The following SRRM3 variants were observed in gnomAD, a reference collection of about 807,000 sequenced individuals.
SRRM3 encodes serine/arginine repetitive matrix protein 3.
SRRM3 carries 27 observed loss-of-function variants against 66.2 expected under a neutral mutation model. The observed-to-expected ratio is 0.41, with a 90% CI of 0.30 to 0.56. The LOEUF is 0.56. Among genes scored for constraint, SRRM3 ranks in the 20% least tolerant of loss-of-function variants. The pLI is 0.32. For missense variants in SRRM3, 918 were observed against 991.9 expected (o/e 0.93, Z 1.00); for synonymous variants, 391 against 414.9 (o/e 0.94, Z 0.70).
Position 76,281,783 on chromosome 7 carries a change from C to A in SRRM3, c.1351C>A (p.His451Asn), listed in dbSNP as rs1802518529. ...PGPEPGSERG[H>N]GGHGKRAKER... ...GCCCGAGCCCGGCTCTGAGCGAGGC[C>A]ACGGCGGACACGGGAAACGGTGAGC... The change falls in exon 12 of 15, where the codon CAC becomes AAC. Residue 451 changes from histidine to asparagine, a missense_variant. By Grantham distance (68) the His-to-Asn change is moderately conservative (BLOSUM62 1). Coordinates refer to ENST00000611745, the MANE Select transcript of SRRM3 (RefSeq NM_001110199.3). The A allele has an allele frequency of 7.2e-7, 1 of 1,386,020 alleles. No individual in the cohort carries two copies. The highest frequency in any genetic ancestry group is 1.4e-5 in the South Asian group (1 of 69,440). 85.9% of individuals were successfully genotyped at this position (1,386,020 alleles called of 1,614,324 possible).
At chr7:76,209,863 C>G (rs1800387069) in intron 1 of SRRM3, among the ~76,000 whole-genome samples, 1 of 152,162 alleles carries the variant, frequency 6.6e-6, no homozygotes, top group Non-Finnish European at 1.5e-5. Flanking sequence ...ATCTCGGGCT[C>G]TCAAAGTGCT....
chr7:76,249,064 GC>G (rs1801509417), intron 3 of SRRM3, among the ~76,000 whole-genome samples: 1 of 152,124 alleles, frequency 6.6e-6, no homozygotes, highest in Non-Finnish European at 1.5e-5. Context: ...AAATCCCACT[GC>G]TACCATGACC....
intron 2 of SRRM3, among the ~76,000 whole-genome samples, chr7:76,242,568 A>G (rs146519255): frequency 0.077 from 11,658 of 151,520 alleles, 1,085 homozygotes; most frequent in African/African-American, 0.22. Flanking sequence ...CATTGCATTT[A>G]TTGTGCACTT....
rs1802518118 is a variant in SRRM3 at position 76,281,762 on chromosome 7, G to A, written c.1330G>A (p.Glu444Lys). ...CCGCGGCGCCCCCGGCCCCGGGCCC[G>A]AGCCCGGCTCTGAGCGAGGCCACGG... ...SGRGAPGPGP[E>K]PGSERGHGGH... is the part of the protein sequence containing the mutation. The change falls in exon 12 of 15, where the codon GAG becomes AAG. Residue 444 changes from glutamate to lysine, a missense_variant. By Grantham distance (56) the Glu-to-Lys change is moderately conservative. Transcript: ENST00000611745. 4 of 1,374,688 alleles carry A rather than the reference G, an allele frequency of 2.9e-6. No homozygotes were observed. Among genetic ancestry groups the A allele is most frequent in the Non-Finnish European group, 2.8e-6 (3 of 1,062,302 alleles). The allele number at this position is 1,374,688 out of a possible 1,614,324, so 85.2% of individuals were successfully genotyped here.
chr7:76,251,484 C>T (rs1197976637), intron 3 of SRRM3, among the ~76,000 whole-genome samples: 4 of 152,034 alleles, frequency 2.6e-5, no homozygotes, highest in Admixed American at 2.6e-4. Flanking sequence ...ACGCCATTCT[C>T]CTGCCTCAGC....
At chr7:76,261,728 A>C in intron 8 of SRRM3, 147 bp downstream of exon 8, 1 of 888,772 alleles carries the variant, frequency 1.1e-6, no homozygotes, top group South Asian at 1.4e-5. Flanking sequence ...CTGCGGGGAC[A>C]GGGCAGTGGA....
chr7:76,267,428 C>A lies in SRRM3; in HGVS notation c.1001C>A (p.Pro334Gln). 2 of 1,363,610 alleles carry A rather than the reference C, an allele frequency of 1.5e-6. No homozygotes were observed. Among genetic ancestry groups the A allele is most frequent in the Non-Finnish European group, 1.9e-6 (2 of 1,063,528 alleles). The allele number at this position is 1,363,610 out of a possible 1,614,324, so 84.5% of individuals were successfully genotyped here. A position where few individuals can be genotyped will look rare whatever the true frequency, so the allele number is the denominator to read the frequency against. ...HGGRPGSAHS[P>Q]PDKPSSPSPR... is the part of the protein sequence containing the mutation. ...GGCCGCCCCGGCTCGGCGCACAGCC[C>A]GCCCGATGTACGTACGCTTCGCTTT... is the stretch of plus-strand genomic sequence containing the variant. The change falls in exon 11 of 15, where the codon CCG becomes CAG. Residue 334 changes from proline (P) to glutamine (Q), a missense_variant. By Grantham distance (76) the Pro-to-Gln change is moderately conservative. Coordinates refer to ENST00000611745, the MANE Select transcript of SRRM3 (RefSeq NM_001110199.3).
At chr7:76,271,189 C>T (rs529030885) in intron 11 of SRRM3, among the ~76,000 whole-genome samples, 1 of 150,648 alleles carries the variant, frequency 6.6e-6, no homozygotes, top group South Asian at 2.1e-4. Context: ...AGACCCCAGG[C>T]AGGGCGCAGT....
chr7:76,281,834 G>GGCCCC, intron 12 of SRRM3, 32 bp downstream of exon 12: 10 of 1,138,366 alleles, frequency 8.8e-6, no homozygotes, highest in African/African-American at 1.8e-5. Context: ...CTGGACTCCC[G>GGCCCC]CCCCCACCCC....
chr7:76,265,561 A>T, intron 10 of SRRM3, 93 bp downstream of exon 10: 1 of 996,290 alleles, frequency 1.0e-6, no homozygotes, highest in Non-Finnish European at 1.4e-6. Context: ...GCTGGTGGAC[A>T]GAATGTCAAT....
At chr7:76,260,451 G>A (rs1326714961) in intron 5 of SRRM3, among the ~76,000 whole-genome samples, 1 of 49,594 alleles carries the variant, frequency 2.0e-5, no homozygotes, top group African/African-American at 7.9e-5. Context: ...CGCCCCCCAA[G>A]GAGCCCCTCC....
intron 2 of SRRM3, among the ~76,000 whole-genome samples, chr7:76,243,578 C>A (rs79330877): frequency 0.079 from 12,012 of 152,174 alleles, 1,124 homozygotes; most frequent in African/African-American, 0.22. Context: ...GCAGGTCTCC[C>A]TGAAACCCAT....
At position 76,265,279 on chromosome 7, in the gene SRRM3, T is replaced by G; in HGVS notation, c.726-85T>G. 4 of 922,808 alleles carry G rather than the reference T, an allele frequency of 4.3e-6. No homozygotes were observed. In the South Asian group the frequency reaches 7.0e-5, roughly 16 times the overall value. The allele number at this position is 922,808 out of a possible 1,614,324, so 57.2% of individuals were successfully genotyped here. On this transcript the variant is annotated intron_variant, in intron 9 of 14. Transcript: ENST00000611745. ...TTTCAGTAGGGTTCCACTGGGATCC[T>G]GGTGGGAGGCTGGGCAACTTGGGGG...
intron 3 of SRRM3, 134 bp downstream of exon 3, chr7:76,248,423 G>A: frequency 3.1e-6 from 2 of 645,460 alleles, no homozygotes; most frequent in Non-Finnish European, 5.5e-6. Context: ...AGAAGATAAG[G>A]AGAAGGAGAG....
At chr7:76,233,348 A>G (rs1490533300) in intron 1 of SRRM3, among the ~76,000 whole-genome samples, 1 of 152,154 alleles carries the variant, frequency 6.6e-6, no homozygotes, top group Non-Finnish European at 1.5e-5. Context: ...GAGGGACCCA[A>G]CTTGATGACA....
Position 76,285,694 on chromosome 7 carries a change from C to T in SRRM3, c.1813C>T (p.Arg605Trp), listed in dbSNP as rs1040704308. 35 of 1,550,976 alleles carry T rather than the reference C, an allele frequency of 2.3e-5. No individual in the cohort carries two copies. Among genetic ancestry groups the T allele is most frequent in the African/African-American group, 1.1e-4 (8 of 73,040 alleles). Reference sequence around the variant, plus strand: ...CTGCTTGAGCAGCGACTACTCGACCCGGAGCCACAGCCGCAGCCCCAGCCC... The same window carrying T: ...CTGCTTGAGCAGCGACTACTCGACCTGGAGCCACAGCCGCAGCCCCAGCCC... ...SSCLSSDYST[R>W]SHSRSPSPGH... is the part of the protein sequence containing the mutation. Residue 605 changes from arginine (R) to tryptophan (W), a missense_variant, in exon 15 of 15, where the codon CGG becomes TGG. Arg to Trp is a moderately radical substitution (Grantham distance 101). Transcript: ENST00000611745. The surrounding 1 kb of genome is among the most constrained non-coding windows in gnomAD (Gnocchi z 4.1).
At chr7:76,248,061 C>A in intron 2 of SRRM3, 127 bp from the exon 3 acceptor site, 1 of 682,510 alleles carries the variant, frequency 1.5e-6, no homozygotes, top group South Asian at 1.7e-5. Context: ...TGACCTTGGA[C>A]AGGTTATTGC....
chr7:76,214,281 G>C (rs1025319216), intron 1 of SRRM3, among the ~76,000 whole-genome samples: 1 of 151,996 alleles, frequency 6.6e-6, no homozygotes, highest in South Asian at 2.1e-4. Flanking sequence ...TCCCACTCCC[G>C]ATCCGACATT....
intron 2 of SRRM3, among the ~76,000 whole-genome samples, chr7:76,244,127 C>A (rs1416467963): frequency 6.6e-6 from 1 of 152,172 alleles, no homozygotes; most frequent in Non-Finnish European, 1.5e-5. Context: ...AAGCCCCCCA[C>A]CCCTAACCAG....
Sources: allele counts gnomAD v4.1 joint callset (sites outside exome capture counted in the v4.1 genomes callset), GRCh38; gene constraint gnomAD v4.1.1; non-coding constraint Gnocchi (gnomAD v3.1); transcripts MANE v1.5; gene names NCBI Gene and HGNC (gene_info 2026-07-23, HGNC 2026-07-21).